BTG2: variants seen among roughly 807,000 people sequenced by gnomAD.
BTG2 encodes the protein protein BTG2.
Under a neutral mutation model 13.1 loss-of-function variants are expected in BTG2, and 9 were observed. The ratio of observed to expected loss-of-function variants is 0.69; its 90% CI spans 0.41 to 1.20. The LOEUF (loss-of-function observed/expected upper bound fraction) is 1.20, where lower values mean the gene tolerates loss of function less well. Ranked by LOEUF, BTG2 falls within the 50% of genes most tolerant of loss-of-function variation. The pLI is 0.00. For synonymous variants in BTG2, 92 were observed against 88.6 expected (o/e 1.04, Z -0.21); for missense variants, 200 against 209.5 (o/e 0.95, Z 0.28).
intron 1 of BTG2, 68 bp downstream of exon 1, chr1:203,305,816 T>A (rs1658245241): frequency 6.7e-7 from 1 of 1,497,698 alleles, no homozygotes; most frequent in Non-Finnish European, 8.9e-7. Context: ...CCGTCTTTCT[T>A]CTACTCCTGC....
In BTG2 at chr1:203,307,267, G is replaced by A; in HGVS notation, c.306G>A (p.Leu102=). The change falls in exon 2 of 2, where the codon CTG becomes CTA. Residue 102 remains leucine, a synonymous_variant. Coordinates refer to ENST00000290551, the MANE Select transcript of BTG2 (RefSeq NM_006763.3). ...AGCTGCTGCCCAGCGAGCTGACCCT[G>A]TGGGTGGACCCCTATGAGGTGTCCT... The part of the protein sequence containing the change: ...LHQLLPSELT[L]WVDPYEVSYR... The A allele has an allele frequency of 6.2e-7, 1 of 1,614,228 alleles. No homozygotes were observed. Among genetic ancestry groups the A allele is most frequent in the Non-Finnish European group, 8.5e-7 (1 of 1,180,050 alleles).
At chr1:203,305,976 C>T (rs578015328) in intron 1 of BTG2, among the ~76,000 whole-genome samples, 2 of 152,298 alleles carry the variant, frequency 1.3e-5, no homozygotes, top group East Asian at 1.9e-4. Context: ...CGCCCCTCTA[C>T]GCTCTCGGAG....
chr1:203,306,559 A>T (rs567445645), intron 1 of BTG2, among the ~76,000 whole-genome samples: 2 of 152,218 alleles, frequency 1.3e-5, no homozygotes, highest in East Asian at 3.9e-4. Flanking sequence ...CTGCTAAGGA[A>T]GGTTCTCTGA....
chr1:203,306,186 G>C (rs967638001), intron 1 of BTG2, among the ~76,000 whole-genome samples: 3 of 152,312 alleles, frequency 2.0e-5, no homozygotes, highest in African/African-American at 7.2e-5. Flanking sequence ...GTCCCAGTGC[G>C]GTTCTTCCTG....
At position 203,305,669 on chromosome 1, in the gene BTG2, C is replaced by T; in HGVS notation, c.63C>T (p.Ser21=). The T allele has an allele frequency of 6.4e-7, 1 of 1,573,976 alleles. No homozygotes were observed. Among genetic ancestry groups the T allele is most frequent in the Non-Finnish European group, 8.6e-7 (1 of 1,159,964 alleles). ...PEIAAAVGFL[S]SLLRTRGCVS... is the part of the protein sequence containing the mutation. ...TCGCCGCCGCCGTGGGCTTCCTCTC[C>T]AGCCTCCTGAGGACCCGGGGCTGCG... is the stretch of plus-strand genomic sequence containing the variant. The change falls in exon 1 of 2, where the codon TCC becomes TCT. Residue 21 remains serine, a synonymous_variant. Coordinates refer to ENST00000290551, the MANE Select transcript of BTG2 (RefSeq NM_006763.3).
chr1:203,306,823 C>G (rs1377850174), intron 1 of BTG2, among the ~76,000 whole-genome samples: 1 of 132,672 alleles, frequency 7.5e-6, no homozygotes, highest in African/African-American at 2.9e-5. Flanking sequence ...CACACACACT[C>G]TCTCTCTCAC....
At chr1:203,306,337 C>T (rs1336711278) in intron 1 of BTG2, among the ~76,000 whole-genome samples, 4 of 152,044 alleles carry the variant, frequency 2.6e-5, no homozygotes, top group Admixed American at 6.6e-5. Flanking sequence ...CCTCGTAGCT[C>T]GTGACCCTGC....
intron 1 of BTG2, among the ~76,000 whole-genome samples, chr1:203,306,818 A>ACTCT (rs1452535919): frequency 3.8e-5 from 5 of 132,116 alleles, no homozygotes; most frequent in Admixed American, 7.6e-5. Context: ...ACACACACAC[A>ACTCT]CACTCTCTCT....
rs1056722020 is a variant in BTG2 at position 203,309,201 on chromosome 1, T to C, written c.*1763T>C. 6.5e-6 allele frequency: 1 copy of C among 152,700 alleles called. No homozygotes were observed. 9.5% of individuals were successfully genotyped at this position (152,700 alleles called of 1,614,324 possible). A position where few individuals can be genotyped will look rare whatever the true frequency, so the allele number is the denominator to read the frequency against. Reference sequence around the variant, plus strand: ...TTCCCAGACCTGCTTCCAGTCTTTATTGCTTTAAAGTTCACTTTGGGCCCA... The same window carrying C: ...TTCCCAGACCTGCTTCCAGTCTTTACTGCTTTAAAGTTCACTTTGGGCCCA... On this transcript the variant is annotated 3_prime_UTR_variant, in exon 2 of 2. Coordinates refer to ENST00000290551, the MANE Select transcript of BTG2 (RefSeq NM_006763.3).
At chr1:203,306,201 T>C (rs1432404568) in intron 1 of BTG2, among the ~76,000 whole-genome samples, 1 of 152,140 alleles carries the variant, frequency 6.6e-6, no homozygotes, top group Non-Finnish European at 1.5e-5. Flanking sequence ...TTCCTGCCGG[T>C]CGGGGTGCGC....
In BTG2 at chr1:203,305,585, C is replaced by T. The variant is rs1658237701; in HGVS notation, c.-22C>T. 1.3e-6 allele frequency: 2 copies of T among 1,599,198 alleles called. No individual in the cohort carries two copies. The highest frequency in any genetic ancestry group is 1.7e-6 in the Non-Finnish European group (2 of 1,172,682). On this transcript the variant is annotated 5_prime_UTR_variant, in exon 1 of 2. Coordinates refer to ENST00000290551, the MANE Select transcript of BTG2 (RefSeq NM_006763.3). Reference sequence around the variant, plus strand: ...CGCACTTCCCACCCGAGACCTCTCACTGAGCCCGAGCCGCGCGCGACATGA... The same window carrying T: ...CGCACTTCCCACCCGAGACCTCTCATTGAGCCCGAGCCGCGCGCGACATGA...
In BTG2 at chr1:203,305,555, G is replaced by T; in HGVS notation, c.-52G>T. 1 of 1,566,990 alleles carries T rather than the reference G, an allele frequency of 6.4e-7. No individual in the cohort carries two copies. Among genetic ancestry groups the T allele is most frequent in the Non-Finnish European group, 8.7e-7 (1 of 1,155,860 alleles). ...AGCGGCCAGGGTAACGCTGTCTTGT[G>T]GACCCGCACTTCCCACCCGAGACCT... On this transcript the variant is annotated 5_prime_UTR_variant, in exon 1 of 2. Transcript: ENST00000290551.
rs1391925783 is a variant in BTG2 at position 203,308,427 on chromosome 1, C to T, written c.*989C>T. 1 of 152,674 alleles carries T rather than the reference C, an allele frequency of 6.5e-6. No individual in the cohort carries two copies. The highest frequency in any genetic ancestry group is 1.5e-5 in the Non-Finnish European group (1 of 68,084). 9.5% of individuals were successfully genotyped at this position (152,674 alleles called of 1,614,324 possible). A position where few individuals can be genotyped will look rare whatever the true frequency, so the allele number is the denominator to read the frequency against. On this transcript the variant is annotated 3_prime_UTR_variant, in exon 2 of 2. Transcript: ENST00000290551. ...AAAAGCACAACTCTCCTCTAACCCTCCCCTCCCCCTTCCCTTCTGGTCGGG... is the reference window on the plus strand; with the variant it reads ...AAAAGCACAACTCTCCTCTAACCCTTCCCTCCCCCTTCCCTTCTGGTCGGG...
At chr1:203,305,857 A>G (rs1658247413) in intron 1 of BTG2, 109 bp downstream of exon 1, 1 of 1,423,768 alleles carries the variant, frequency 7.0e-7, no homozygotes. Context: ...CAGCTTTGGG[A>G]CTCGGTGGCC....
intron 1 of BTG2, among the ~76,000 whole-genome samples, chr1:203,306,086 C>T (rs901176139): frequency 6.6e-6 from 1 of 152,252 alleles, no homozygotes; most frequent in South Asian, 2.1e-4. Context: ...GATCTTAAGA[C>T]CCTCGATGGA....
Position 203,306,627 on chromosome 1 carries a change from C to T in BTG2, c.143-477C>T, listed in dbSNP as rs1403015948. On this transcript the variant is annotated intron_variant, in intron 1 of 1. Coordinates refer to ENST00000290551, the MANE Select transcript of BTG2 (RefSeq NM_006763.3). Reference sequence around the variant, plus strand: ...GGGAGGTCCAGTGACTTGCTGTGGACCCAACAATGTTGGCAGCCTTCCTGG... The same window carrying T: ...GGGAGGTCCAGTGACTTGCTGTGGATCCAACAATGTTGGCAGCCTTCCTGG... 2.0e-5 allele frequency among the ~76,000 whole-genome samples: 3 copies of T among 152,212 alleles called. 1 individual carries two copies. In the South Asian group the frequency reaches 6.2e-4, roughly 32 times the overall value.
chr1:203,306,169 A>C (rs551717330), intron 1 of BTG2, among the ~76,000 whole-genome samples: 1 of 152,106 alleles, frequency 6.6e-6, no homozygotes, highest in South Asian at 2.1e-4. Context: ...CTTTTCAACA[A>C]TTTGGAGTCC....
At chr1:203,306,848 TCA>T (rs56272333) in intron 1 of BTG2, among the ~76,000 whole-genome samples, 33,995 of 131,116 alleles carry the variant, frequency 0.26, 3,787 homozygotes, top group Middle Eastern at 0.35. Context: ...ACACACTCAG[TCA>T]CACACACACA....
In BTG2 at chr1:203,307,492, G is replaced by T. The variant is rs906436597; in HGVS notation, c.*54G>T. On this transcript the variant is annotated 3_prime_UTR_variant, in exon 2 of 2. Transcript: ENST00000290551. ...CGTGCTCATGCTGCCGTGACAACAG[G>T]CCACCACATACCTCAACCTGGGGAA... 72 of 1,415,730 alleles carry T rather than the reference G, an allele frequency of 5.1e-5. No homozygotes were observed. The highest frequency in any genetic ancestry group is 6.4e-5 in the Non-Finnish European group (67 of 1,042,522). The allele number at this position is 1,415,730 out of a possible 1,614,324, so 87.7% of individuals were successfully genotyped here.
Sources: gnomAD v4.1 joint callset for allele counts (sites outside exome capture counted in the v4.1 genomes callset) on GRCh38, gnomAD v4.1.1 for gene constraint, MANE v1.5 for transcripts, NCBI Gene and HGNC (gene_info 2026-07-23, HGNC 2026-07-21) for gene names.